BAHCC1: variants seen among roughly 807,000 people sequenced by gnomAD.
BAHCC1 encodes the protein BAH domain and coiled-coil containing 1, also known as BAH and coiled-coil domain-containing protein 1.
Under a neutral mutation model 88.2 loss-of-function variants are expected in BAHCC1, and 43 were observed. The ratio of observed to expected loss-of-function variants is 0.49; its 90% confidence interval spans 0.38 to 0.63. BAHCC1 has a LOEUF of 0.63. Ranked by LOEUF, BAHCC1 falls within the 20% of genes least tolerant of loss-of-function variation. BAHCC1 has a pLI of 0.00. For missense variants in BAHCC1, 3,023 were observed against 1,654.8 expected (o/e 1.83, Z -14.34); for synonymous variants, 1,510 against 745.5 (o/e 2.03, Z -16.71).
chr17:81,418,808 T>TGCGCGCATGTGTGTGTGTGC (rs781892011), intron 2 of BAHCC1, among the ~76,000 whole-genome samples: 1 of 80,702 alleles, frequency 1.2e-5, no homozygotes, highest in Admixed American at 1.5e-4. Flanking sequence ...TGTGTGTGTG[T>TGCGCGCATGTGTGTGTGTGC]ACGTGTGTGT....
In BAHCC1 at chr17:81,427,953, A is replaced by G. The variant is rs891664514; in HGVS notation, c.358+974A>G. 3.8e-3 allele frequency among the ~76,000 whole-genome samples: 582 copies of G among 152,340 alleles called. 15 individuals carry two copies. The East Asian group carries it at 0.061, about 16-fold the overall frequency. On this transcript the variant is annotated intron_variant, in intron 3 of 27. Transcript: ENST00000675386. Reference sequence around the variant, plus strand: ...GCAGAGAAACCTCTCTTTGTGCAACAAGAAAGGGGCTGTTTTCCAAACAGA... The same window carrying G: ...GCAGAGAAACCTCTCTTTGTGCAACGAGAAAGGGGCTGTTTTCCAAACAGA...
In BAHCC1 at chr17:81,442,502, C is replaced by A. The variant is rs370294799; in HGVS notation, c.1153C>A (p.Arg385=). ...GLCPLQDKAP[R]DLKASGPTFV... is the part of the protein sequence containing the mutation. ...CTGCCCGCTGCAGGACAAAGCCCCC[C>A]GGGACCTAAAGGCCAGCGGGCCCAC... Residue 385 remains arginine (R), a synonymous_variant, in exon 5 of 28, where the codon CGG becomes AGG. Transcript: ENST00000675386. 1.0e-3 allele frequency: 725 copies of A among 719,860 alleles called. 6 individuals carry two copies. The African/African-American group carries it at 0.011, about 11-fold the overall frequency. The allele number at this position is 719,860 out of a possible 1,614,324, so 44.6% of individuals were successfully genotyped here.
intron 27 of BAHCC1, 118 bp from the exon 28 acceptor site, chr17:81,463,493 A>C (rs1262045539): frequency 2.9e-6 from 2 of 680,814 alleles, no homozygotes; most frequent in African/African-American, 3.5e-5. Flanking sequence ...TCTTCCGGCC[A>C]CACAGAAGTC....
At chr17:81,431,905 C>T (rs2064265160) in intron 3 of BAHCC1, among the ~76,000 whole-genome samples, 1 of 152,162 alleles carries the variant, frequency 6.6e-6, no homozygotes, top group South Asian at 2.1e-4. Flanking sequence ...GCTCTGGGAC[C>T]CAGGAGGCTG....
rs1020842832 is a variant in BAHCC1, at chr17:81,445,185, C to T, written c.2835+7C>T. 1.1e-5 allele frequency: 8 copies of T among 761,218 alleles called. No individual in the cohort carries two copies. The highest frequency in any genetic ancestry group is 2.3e-4 in the Middle Eastern group (1 of 4,326). The allele number at this position is 761,218 out of a possible 1,614,324, so 47.2% of individuals were successfully genotyped here. ...GAGGGCCGCCCAGTTCCAGGTACCG[C>T]CCCTAGCCACGCTCACCTGGGCCGG... On this transcript the variant is annotated splice_region_variant and intron_variant, in intron 9 of 27. Transcript: ENST00000675386.
intron 3 of BAHCC1, among the ~76,000 whole-genome samples, chr17:81,431,885 G>A (rs1306380673): frequency 6.6e-6 from 1 of 152,316 alleles, no homozygotes; most frequent in Non-Finnish European, 1.5e-5. Context: ...AGGGACTTGG[G>A]CTAGAGGCTG....
intron 2 of BAHCC1, among the ~76,000 whole-genome samples, chr17:81,413,486 T>C (rs1311621970): frequency 1.3e-5 from 2 of 151,828 alleles, no homozygotes; most frequent in Non-Finnish European, 2.9e-5. Flanking sequence ...CTCTGGGCTG[T>C]CCCCTCCGCA....
chr17:81,430,181 G>T (rs1344201100), intron 3 of BAHCC1, among the ~76,000 whole-genome samples: 1 of 152,078 alleles, frequency 6.6e-6, no homozygotes, highest in African/African-American at 2.4e-5. Context: ...CACACAGCTG[G>T]CCCTATTGTC....
chr17:81,415,299 G>A (rs140347942), intron 2 of BAHCC1, among the ~76,000 whole-genome samples: 4 of 152,358 alleles, frequency 2.6e-5, no homozygotes, highest in East Asian at 1.9e-4. Context: ...TCTTGGGGTC[G>A]CAGCAGGGTG....
chr17:81,449,271 C>G (rs955617926), intron 11 of BAHCC1, among the ~76,000 whole-genome samples: 1 of 152,060 alleles, frequency 6.6e-6, no homozygotes. Flanking sequence ...ACCTCATGGT[C>G]CCCCCCTGGG....
chr17:81,454,425 A>C (rs1488598052), intron 14 of BAHCC1, among the ~76,000 whole-genome samples: 2 of 152,180 alleles, frequency 1.3e-5, no homozygotes, highest in East Asian at 3.9e-4. Context: ...CCAGGGATGC[A>C]GAATTCCATC....
At chr17:81,405,067 GTTT>G (rs559862117) in intron 2 of BAHCC1, among the ~76,000 whole-genome samples, 5 of 151,782 alleles carry the variant, frequency 3.3e-5, no homozygotes, top group Non-Finnish European at 7.4e-5. Context: ...TTTTTGTTTT[GTTT>G]TTGTTTTTTG....
rs146225681 is a variant in BAHCC1, at chr17:81,450,305, C to T, written c.3977-1363C>T. Among the ~76,000 whole-genome samples the T allele has an allele frequency of 8.7e-3, 1,323 of 152,234 alleles. 9 individuals carry two copies. Among genetic ancestry groups the T allele is most frequent in the Non-Finnish European group, 0.015 (1,014 of 67,988 alleles). On this transcript the variant is annotated intron_variant, in intron 11 of 27. Transcript: ENST00000675386. ...GGGATCAGCCCATGGGGACCCCGTT[C>T]CTGGTCTCTGTGGTCAGCCCTCAGG... is the stretch of plus-strand genomic sequence containing the variant.
chr17:81,442,415 C>T lies in BAHCC1; in HGVS notation c.1066C>T (p.Pro356Ser), dbSNP rs1555652813. 2 of 696,586 alleles carry T rather than the reference C, an allele frequency of 2.9e-6. No individual in the cohort carries two copies. The highest frequency in any genetic ancestry group is 3.1e-5 in the South Asian group (2 of 65,256). 43.2% of individuals were successfully genotyped at this position (696,586 alleles called of 1,614,324 possible). Reference sequence around the variant, plus strand: ...CGCATCCTACGCCGGGCCACCCCCGCCCCTCAGCACAGCCGCCGGCTCCTT... The same window carrying T: ...CGCATCCTACGCCGGGCCACCCCCGTCCCTCAGCACAGCCGCCGGCTCCTT... Reference protein sequence around the residue: ...HTASYAGPPPPLSTAAGSFPC... With the variant: ...HTASYAGPPPSLSTAAGSFPC... Residue 356 changes from proline (P) to serine (S), a missense_variant, in exon 5 of 28, where the codon CCC becomes TCC. Physicochemically the swap from Pro to Ser is moderately conservative, Grantham distance 74. Coordinates refer to ENST00000675386, the MANE Select transcript of BAHCC1 (RefSeq NM_001377448.1).
chr17:81,421,335 TCGGC>T (rs1443836247), intron 2 of BAHCC1, among the ~76,000 whole-genome samples: 1 of 152,136 alleles, frequency 6.6e-6, no homozygotes, highest in African/African-American at 2.4e-5. Context: ...TGGCCACTGG[TCGGC>T]GGGGGGGCTG....
chr17:81,412,949 AGAGAGCGCAGGACG>A (rs2063972905), intron 2 of BAHCC1, among the ~76,000 whole-genome samples: 1 of 151,892 alleles, frequency 6.6e-6, no homozygotes, highest in Non-Finnish European at 1.5e-5. Context: ...GGAGAGAGTG[AGAGAGCGCAGGACG>A]GAAGCTCGGT....
intron 14 of BAHCC1, 21 bp downstream of exon 14, chr17:81,452,872 T>C (rs1555656234): frequency 2.8e-6 from 2 of 724,056 alleles, no homozygotes; most frequent in South Asian, 1.5e-5. Context: ...GGCACTGGCA[T>C]GGCAGGGCGC....
chr17:81,403,694 T>C (rs781811972), intron 2 of BAHCC1, among the ~76,000 whole-genome samples: 3 of 152,216 alleles, frequency 2.0e-5, no homozygotes, highest in Non-Finnish European at 4.4e-5. Context: ...CTGCAACAGT[T>C]AGCAACATTA....
chr17:81,452,709 C>T lies in BAHCC1; in HGVS notation c.4317-14C>T, dbSNP rs202045641. The T allele has an allele frequency of 3.8e-5, 28 of 743,368 alleles. No homozygotes were observed. The highest frequency in any genetic ancestry group is 2.0e-4 in the South Asian group (14 of 70,512). 46.0% of individuals were successfully genotyped at this position (743,368 alleles called of 1,614,324 possible). A position where few individuals can be genotyped will look rare whatever the true frequency, so the allele number is the denominator to read the frequency against. ...TGTGCATGAGCCTCTGACCATCCCCCCTGCGGCCCCCAGGAGAGACGAGAG... is the reference window on the plus strand; with the variant it reads ...TGTGCATGAGCCTCTGACCATCCCCTCTGCGGCCCCCAGGAGAGACGAGAG... On this transcript the variant is annotated splice_polypyrimidine_tract_variant and intron_variant, in intron 13 of 27. Coordinates refer to ENST00000675386, the MANE Select transcript of BAHCC1 (RefSeq NM_001377448.1).
Sources: gnomAD v4.1 joint callset for allele counts (sites outside exome capture counted in the v4.1 genomes callset) on GRCh38, gnomAD v4.1.1 for gene constraint, MANE v1.5 for transcripts, NCBI Gene and HGNC (gene_info 2026-07-23, HGNC 2026-07-21) for gene names.